MECR: variants seen among roughly 807,000 people sequenced by gnomAD.
MECR encodes the protein enoyl-[acyl-carrier-protein] reductase, mitochondrial.
MECR carries 37 observed loss-of-function variants against 49.1 expected under a neutral mutation model. The observed-to-expected ratio is 0.75, with a 90% CI of 0.58 to 0.99. The LOEUF (loss-of-function observed/expected upper bound fraction) is 0.99, where lower values mean the gene tolerates loss of function less well. Among genes scored for constraint, MECR ranks in the 50% least tolerant of loss-of-function variants. The probability of loss-of-function intolerance (pLI) is 0.00; values close to 1 mark genes in which losing one functional copy is unlikely to be tolerated. For synonymous variants in MECR, 198 were observed against 191.1 expected (o/e 1.04, Z -0.30); for missense variants, 470 against 479.6 (o/e 0.98, Z 0.19).
the MECR span, among the ~76,000 whole-genome samples, chr1:29,182,170 G>C: frequency 6.6e-6 from 1 of 152,198 alleles, no homozygotes; most frequent in East Asian, 1.9e-4. Flanking sequence ...CCCAGCGAGC[G>C]AGCGTTTGTG....
chr1:29,173,939 A>G, the MECR span, among the ~76,000 whole-genome samples: 1 of 151,756 alleles, frequency 6.6e-6, no homozygotes, highest in Admixed American at 6.6e-5. Context: ...CTGTAATCCC[A>G]GCACTTTGGG....
chr1:29,211,218 A>C (rs1477320414), intron 3 of MECR, among the ~76,000 whole-genome samples: 2 of 151,948 alleles, frequency 1.3e-5, no homozygotes, highest in African/African-American at 2.4e-5. Context: ...CTGGGACTAC[A>C]GGTGTACGCT....
chr1:29,190,128 A>C (rs1028088967), downstream of MECR, among the ~76,000 whole-genome samples: 1 of 151,766 alleles, frequency 6.6e-6, no homozygotes, highest in African/African-American at 2.4e-5. Context: ...TAATCCCAGC[A>C]CTTTGGGAGG....
downstream of MECR, among the ~76,000 whole-genome samples, chr1:29,187,754 A>T (rs950769152): frequency 2.0e-5 from 3 of 149,938 alleles, no homozygotes; most frequent in African/African-American, 7.3e-5. Context: ...TGCACGCCAC[A>T]GGCCAGGCGA....
At chr1:29,209,402 C>A (rs1677397824) in intron 3 of MECR, among the ~76,000 whole-genome samples, 2 of 152,104 alleles carry the variant, frequency 1.3e-5, no homozygotes, top group African/African-American at 4.8e-5. Flanking sequence ...GAGTGGGAAG[C>A]CTGTAACAAG....
chr1:29,220,470 T>A (rs1017461978), intron 1 of MECR, among the ~76,000 whole-genome samples: 1 of 152,182 alleles, frequency 6.6e-6, no homozygotes, highest in African/African-American at 2.4e-5. Context: ...CTTAGCTATT[T>A]GAACTTGCTC....
Position 29,193,899 on chromosome 1 carries a change from TA to T in MECR, c.*122del. On this transcript the variant is annotated 3_prime_UTR_variant, in exon 10 of 10. Coordinates refer to ENST00000263702, the MANE Select transcript of MECR (RefSeq NM_016011.5). ...ACCGTGGCTGGCTTCACCATCCTCC[TA>T]ATAGGAAGAGGCAGTGAGGAGAACA... is the stretch of plus-strand genomic sequence containing the variant. The T allele has an allele frequency of 8.1e-7, 1 of 1,227,572 alleles. No homozygotes were observed. The highest frequency in any genetic ancestry group is 1.1e-6 in the Non-Finnish European group (1 of 878,842). 76.0% of individuals were successfully genotyped at this position (1,227,572 alleles called of 1,614,324 possible).
At position 29,230,838 on chromosome 1, in the gene MECR, A is replaced by T; in HGVS notation, c.69T>A (p.Ala23=). Residue 23 remains alanine, a synonymous_variant, in exon 1 of 10, where the codon GCT becomes GCA. Transcript: ENST00000263702. The part of the protein sequence containing the change: ...PARQWRGLLP[A]SGCHGPAASS... ...AGGCGGCAGGTCCGTGACAGCCAGAAGCTGGGAGCAGCCCCCGCCACTGCC... is the reference window on the plus strand; with the variant it reads ...AGGCGGCAGGTCCGTGACAGCCAGATGCTGGGAGCAGCCCCCGCCACTGCC... The T allele has an allele frequency of 6.2e-7, 1 of 1,605,672 alleles. No homozygotes were observed. The highest frequency in any genetic ancestry group is 8.5e-7 in the Non-Finnish European group (1 of 1,179,308).
Position 29,196,004 on chromosome 1 carries a change from T to C in MECR, c.901A>G (p.Ile301Val), listed in dbSNP as rs773024335. 3.1e-6 allele frequency: 5 copies of C among 1,614,220 alleles called. No individual in the cohort carries two copies. The highest frequency in any genetic ancestry group is 4.2e-6 in the Non-Finnish European group (5 of 1,180,042). Residue 301 changes from isoleucine (I) to valine (V), a missense_variant, in exon 9 of 10, where the codon ATT becomes GTT. Physicochemically the swap from Ile to Val is conservative, Grantham distance 29 (BLOSUM62 3). Coordinates refer to ENST00000263702, the MANE Select transcript of MECR (RefSeq NM_016011.5). ...CCTCGAAGTTTGAGATCCTTAAAAATGAGCAGGCTCTGCAGACACAGGAAG... is the reference window on the plus strand; with the variant it reads ...CCTCGAAGTTTGAGATCCTTAAAAACGAGCAGGCTCTGCAGACACAGGAAG... ...QPVVASVSLL[I>V]FKDLKLRGFW...
At position 29,216,104 on chromosome 1, in the gene MECR, C is replaced by T; in HGVS notation, c.307G>A (p.Val103Ile). ...NYGFLPELPA[V>I]GGNEGVAQVV... ...TGTGCAACACCTTCGTTCCCTCCAA[C>T]AGCAGGCAGTTCAGGAAGGAATCCG... Residue 103 changes from valine to isoleucine, a missense_variant, in exon 3 of 10, where the codon GTT becomes ATT. Physicochemically the swap from Val to Ile is conservative, Grantham distance 29. Transcript: ENST00000263702. 1 of 1,614,084 alleles carries T rather than the reference C, an allele frequency of 6.2e-7. No homozygotes were observed. The highest frequency in any genetic ancestry group is 1.1e-5 in the South Asian group (1 of 91,080).
chr1:29,183,721 G>C, the MECR span, among the ~76,000 whole-genome samples: 1 of 151,940 alleles, frequency 6.6e-6, no homozygotes, highest in Non-Finnish European at 1.5e-5. Context: ...TCAGCTCTTT[G>C]TCAAATGAGT....
chr1:29,203,197 A>C lies in MECR; in HGVS notation c.587T>G (p.Val196Gly). The C allele has an allele frequency of 6.3e-7, 1 of 1,583,562 alleles. No homozygotes were observed. Among genetic ancestry groups the C allele is most frequent in the Non-Finnish European group, 8.6e-7 (1 of 1,161,206 alleles). Residue 196 changes from valine (V) to glycine (G), a missense_variant, in exon 5 of 10, where the codon GTG (valine) becomes GGG (glycine). By Grantham distance (109) the Val-to-Gly change is moderately radical (BLOSUM62 -3). Transcript: ENST00000263702. ...GGCGATCTGGATGACTGCTTGCCCC[A>C]CTCCGCTGTTGGATGCATTCTGGAT... ...SVIQNASNSG[V>G]GQAVIQIAAA...
chr1:29,185,236 AT>A, the MECR span, among the ~76,000 whole-genome samples: 1 of 152,096 alleles, frequency 6.6e-6, no homozygotes, highest in Non-Finnish European at 1.5e-5. Context: ...TTATTATTTT[AT>A]TTTTTAAATT....
the MECR span, among the ~76,000 whole-genome samples, chr1:29,181,234 G>A: frequency 1.3e-5 from 2 of 152,206 alleles, no homozygotes; most frequent in Admixed American, 6.5e-5. Flanking sequence ...GAGGTGAAAG[G>A]GAGCAGGAAA....
At chr1:29,203,042 G>T (rs1200338099) in intron 5 of MECR, 89 bp downstream of exon 5, 4 of 1,040,208 alleles carry the variant, frequency 3.8e-6, no homozygotes, top group South Asian at 1.6e-5. Context: ...ATGCAAGGGC[G>T]CCCTCTGGTG....
chr1:29,180,772 C>T, the MECR span, among the ~76,000 whole-genome samples: 1 of 152,202 alleles, frequency 6.6e-6, no homozygotes, highest in Admixed American at 6.6e-5. Flanking sequence ...ACAGTTTTCC[C>T]TAAAACCTGT....
In MECR at chr1:29,201,869, T is replaced by A; in HGVS notation, c.756+74A>T. On this transcript the variant is annotated intron_variant, in intron 6 of 9. Coordinates refer to ENST00000263702, the MANE Select transcript of MECR (RefSeq NM_016011.5). This position sits in a 1 kb window ranked among gnomAD's most constrained non-coding sequence, Gnocchi z 4.3. ...AGGAACAATGGGGCCAGTCCCCAGT[T>A]TCTCTAATGCATGTCAACTTTCTTC... 1 of 1,273,300 alleles carries A rather than the reference T, an allele frequency of 7.9e-7. No homozygotes were observed. The highest frequency in any genetic ancestry group is 1.1e-6 in the Non-Finnish European group (1 of 874,330). 78.9% of individuals were successfully genotyped at this position (1,273,300 alleles called of 1,614,324 possible).
intron 3 of MECR, among the ~76,000 whole-genome samples, chr1:29,215,263 A>C (rs1679093749): frequency 6.6e-6 from 1 of 152,184 alleles, no homozygotes; most frequent in African/African-American, 2.4e-5. Flanking sequence ...ACATGAAGTG[A>C]ATTTTGGCTC....
intron 3 of MECR, 131 bp from the exon 4 acceptor site, chr1:29,207,036 CAGGATGTTT>C: frequency 2.1e-6 from 2 of 936,918 alleles, no homozygotes; most frequent in South Asian, 3.5e-5. Context: ...GGATAGCATC[CAGGATGTTT>C]AGAAAAAGAA....
Sources: allele counts gnomAD v4.1 joint callset (sites outside exome capture counted in the v4.1 genomes callset), GRCh38; gene constraint gnomAD v4.1.1; non-coding constraint Gnocchi (gnomAD v3.1); transcripts MANE v1.5; gene names NCBI Gene and HGNC (gene_info 2026-07-23, HGNC 2026-07-21).